Variants in ARMH3 observed in about 807,000 individuals in gnomAD.
ARMH3 encodes armadillo-like helical domain-containing protein 3.
ARMH3 carries 60 observed loss-of-function variants against 99.1 expected under a neutral mutation model. The observed-to-expected ratio is 0.61, with a 90% CI of 0.49 to 0.75. The LOEUF (loss-of-function observed/expected upper bound fraction) is 0.75, where lower values mean the gene tolerates loss of function less well. Ranked by LOEUF, ARMH3 falls within the 30% of genes least tolerant of loss-of-function variation. The pLI is 0.00. For synonymous variants in ARMH3, 285 were observed against 292.8 expected, an observed-to-expected ratio of 0.97 and a Z score of 0.27; for missense variants, 679 against 843.1, an observed-to-expected ratio of 0.81 and a Z score of 2.41.
chr10:101,935,174 A>ATATATATATATATAT (rs1843902399), intron 23 of ARMH3, among the ~76,000 whole-genome samples: 3 of 117,154 alleles, frequency 2.6e-5, no homozygotes, highest in Admixed American at 1.8e-4. Context: ...AAGGTGGAGC[A>ATATATATATATATAT]ATATATATAT....
At chr10:101,851,454 TAGGGAGCTTGGAGGAATTAGTGAGTGACA>T (rs2066598632) in intron 24 of ARMH3, among the ~76,000 whole-genome samples, 1 of 151,992 alleles carries the variant, frequency 6.6e-6, no homozygotes, top group Non-Finnish European at 1.5e-5. Context: ...CCCTGCTCAG[TAGGGAGCTTGGAGGAATTAGTGAGTGACA>T]AGGAACACAC....
intron 23 of ARMH3, among the ~76,000 whole-genome samples, chr10:101,935,359 A>G (rs1164560018): frequency 6.6e-6 from 1 of 152,088 alleles, no homozygotes; most frequent in Admixed American, 6.6e-5. Context: ...TTAAATACAA[A>G]TAACTTTGAC....
At chr10:101,970,742 T>C (rs966867429) in intron 20 of ARMH3, among the ~76,000 whole-genome samples, 59 of 152,076 alleles carry the variant, frequency 3.9e-4, no homozygotes, top group East Asian at 1.5e-3. Context: ...GGAGGATCCA[T>C]TGGGCCCAGG....
intron 20 of ARMH3, among the ~76,000 whole-genome samples, chr10:101,959,141 G>A (rs1025479143): frequency 6.6e-6 from 1 of 152,208 alleles, no homozygotes; most frequent in African/African-American, 2.4e-5. Context: ...AAGTGATCAA[G>A]TATCTGTTGG....
chr10:101,920,667 GAACT>G (rs1564753047), intron 23 of ARMH3, among the ~76,000 whole-genome samples: 1 of 152,032 alleles, frequency 6.6e-6, no homozygotes, highest in Non-Finnish European at 1.5e-5. Flanking sequence ...CAATAAAAAG[GAACT>G]AACTACTAGA....
chr10:101,920,498 G>C (rs1316451549), intron 23 of ARMH3, among the ~76,000 whole-genome samples: 3 of 152,140 alleles, frequency 2.0e-5, no homozygotes, highest in Admixed American at 1.3e-4. Context: ...GTGGTGATGA[G>C]AGGGGCCAGC....
chr10:102,033,465 T>A, intron 2 of ARMH3, 126 bp from the exon 3 acceptor site: 3 of 1,023,986 alleles, frequency 2.9e-6, no homozygotes, highest in Non-Finnish European at 4.2e-6. Flanking sequence ...TCGCCCAGGC[T>A]GGAGTACAGT....
At chr10:102,000,371 G>A (rs2066325709) in intron 15 of ARMH3, among the ~76,000 whole-genome samples, 1 of 152,186 alleles carries the variant, frequency 6.6e-6, no homozygotes, top group South Asian at 2.1e-4. Flanking sequence ...AATTTATAGA[G>A]GCAGAAAGCA....
intron 25 of ARMH3, among the ~76,000 whole-genome samples, chr10:101,848,704 C>A (rs1020712855): frequency 1.3e-5 from 2 of 152,188 alleles, no homozygotes; most frequent in Non-Finnish European, 2.9e-5. Flanking sequence ...ATGAGCAGAA[C>A]TGAGTAAGGC....
chr10:101,966,221 T>A (rs2135869334), intron 20 of ARMH3, among the ~76,000 whole-genome samples: 1 of 149,934 alleles, frequency 6.7e-6, no homozygotes, highest in South Asian at 2.1e-4. Flanking sequence ...TTCTTGTGCC[T>A]TAGCTTCCTG....
intron 23 of ARMH3, among the ~76,000 whole-genome samples, chr10:101,906,932 A>G (rs962555374): frequency 6.6e-6 from 1 of 152,244 alleles, no homozygotes; most frequent in African/African-American, 2.4e-5. Flanking sequence ...ATTCTAGGAA[A>G]AAAACAGTCA....
At chr10:101,865,719 C>T (rs1443508919) in intron 24 of ARMH3, among the ~76,000 whole-genome samples, 1 of 151,632 alleles carries the variant, frequency 6.6e-6, no homozygotes, top group East Asian at 2.0e-4. Flanking sequence ...GAACTCCTGA[C>T]CTCAGATGAT....
At chr10:101,854,338 T>C (rs1046106866) in intron 24 of ARMH3, among the ~76,000 whole-genome samples, 7 of 152,188 alleles carry the variant, frequency 4.6e-5, no homozygotes, top group African/African-American at 1.7e-4. Flanking sequence ...ATACAATTGA[T>C]GGAAACACTG....
chr10:101,917,202 G>C (rs947415632), intron 23 of ARMH3, among the ~76,000 whole-genome samples: 1 of 152,144 alleles, frequency 6.6e-6, no homozygotes, highest in Non-Finnish European at 1.5e-5. Flanking sequence ...CCACAGTCAA[G>C]ATACAGAACA....
rs768465868 is a variant in ARMH3, at chr10:101,975,293, T to C, written c.1414A>G (p.Ile472Val). Residue 472 changes from isoleucine to valine, a missense_variant, in exon 20 of 26, where the codon ATC (isoleucine) becomes GTC (valine). Transcript: ENST00000370033. Reference protein sequence around the residue: ...EFPMDLYIRCIQVVHKLLCYQ... With the variant: ...EFPMDLYIRCVQVVHKLLCYQ... ...CAGAGCAGTTTGTGTACTACCTGGA[T>C]GCAGCGTCTGTAACAGGGAAAGCAA... 1.6e-5 allele frequency: 26 copies of C among 1,612,334 alleles called. No individual in the cohort carries two copies. The East Asian group carries it at 5.4e-4, about 33-fold the overall frequency.
chr10:102,055,688 G>A (rs539166475), intron 1 of ARMH3, among the ~76,000 whole-genome samples: 2 of 152,314 alleles, frequency 1.3e-5, no homozygotes, highest in South Asian at 4.1e-4. Context: ...GAGATTCTCA[G>A]AGGTGCCTTG....
chr10:101,920,872 C>T (rs200318473), intron 23 of ARMH3, among the ~76,000 whole-genome samples: 78 of 152,194 alleles, frequency 5.1e-4, no homozygotes, highest in African/African-American at 1.8e-3. Flanking sequence ...GGATATTATG[C>T]TAAGCAAAAT....
chr10:101,910,501 G>A (rs1401137574), intron 23 of ARMH3, among the ~76,000 whole-genome samples: 13 of 151,986 alleles, frequency 8.6e-5, no homozygotes, highest in East Asian at 3.9e-4. Flanking sequence ...AGGCCGAGAC[G>A]GGCAGATCAC....
At chr10:101,968,255 C>A (rs1318414501) in intron 20 of ARMH3, among the ~76,000 whole-genome samples, 1 of 152,006 alleles carries the variant, frequency 6.6e-6, no homozygotes. Flanking sequence ...CTTCTAGGGC[C>A]CTATACCACC....
Sources: allele counts gnomAD v4.1 joint callset (sites outside exome capture counted in the v4.1 genomes callset), GRCh38; gene constraint gnomAD v4.1.1; transcripts MANE v1.5; gene names NCBI Gene and HGNC (gene_info 2026-07-23, HGNC 2026-07-21).